The following GSE1 variants were observed in gnomAD, a reference collection of about 807,000 sequenced individuals.
GSE1 encodes the protein genetic suppressor element 1.
A neutral mutation model predicts 112.6 loss-of-function variants in GSE1; 32 were observed. The observed-to-expected ratio is 0.28, with a 90% confidence interval of 0.21 to 0.38. The LOEUF (loss-of-function observed/expected upper bound fraction) is 0.38. GSE1 is among the 10% of genes least tolerant of loss of function. The pLI is 1.00. For missense variants in GSE1, 2,348 were observed against 1,699.2 expected, an observed-to-expected ratio of 1.38 and a Z score of -6.71; for synonymous variants, 1,115 against 735.6, an observed-to-expected ratio of 1.52 and a Z score of -8.35.
rs376118100 is a variant in GSE1, at chr16:85,487,214, C to A, written c.2464+129571C>A. Among the ~76,000 whole-genome samples the A allele has an allele frequency of 3.9e-4, 60 of 152,188 alleles. 3 individuals carry two copies. Among genetic ancestry groups the A allele is most frequent in the Non-Finnish European group, 4.4e-5 (3 of 68,020 alleles). ...ACAAATAGCCTCTCACTGGGTGTCACCTCCTCACCCCCCCAGGAAAAATTC... is the reference window on the plus strand; with the variant it reads ...ACAAATAGCCTCTCACTGGGTGTCAACTCCTCACCCCCCCAGGAAAAATTC... On this transcript the variant is annotated intron_variant, in intron 2 of 2. Transcript: ENST00000637419.
intron 2 of GSE1, among the ~76,000 whole-genome samples, chr16:85,492,266 G>A (rs1359830545): frequency 2.0e-5 from 3 of 152,150 alleles, no homozygotes; most frequent in Admixed American, 6.5e-5. Context: ...AGCCGCCCCC[G>A]TCGGCCTGTG....
intron 1 of GSE1, among the ~76,000 whole-genome samples, chr16:85,268,116 C>G (rs1908440564): frequency 6.6e-6 from 1 of 152,104 alleles, no homozygotes; most frequent in South Asian, 2.1e-4. Flanking sequence ...TGCTGTGATG[C>G]CTCTGTATTT....
At chr16:85,577,188 C>G (rs1411863459) in intron 1 of GSE1, among the ~76,000 whole-genome samples, 33 of 152,178 alleles carry the variant, frequency 2.2e-4, no homozygotes, top group Admixed American at 2.2e-3. Flanking sequence ...GGGGCAGAGG[C>G]AGGTCTTCTC....
At chr16:85,608,179 G>C (rs1262287276), upstream of GSE1, among the ~76,000 whole-genome samples, 1 of 152,198 alleles carries the variant, frequency 6.6e-6, no homozygotes, top group African/African-American at 2.4e-5. Flanking sequence ...GAAACAGAAA[G>C]AGGAGGGTGG....
At chr16:85,206,192 G>T (rs749349624) in intron 1 of GSE1, among the ~76,000 whole-genome samples, 42 of 139,244 alleles carry the variant, frequency 3.0e-4, no homozygotes, top group South Asian at 8.5e-4. Context: ...GCACCCAGAT[G>T]GGGGGGGCGC....
intron 1 of GSE1, among the ~76,000 whole-genome samples, chr16:85,577,576 A>C (rs1337513512): frequency 6.6e-6 from 1 of 152,100 alleles, no homozygotes. Flanking sequence ...CAGCGCTGCG[A>C]TTATCCCCCT....
chr16:85,633,425 G>A (rs2049714642), intron 1 of GSE1, among the ~76,000 whole-genome samples: 1 of 152,248 alleles, frequency 6.6e-6, no homozygotes, highest in African/African-American at 2.4e-5. Flanking sequence ...TGCCATGCGT[G>A]CCTGGCATCG....
chr16:85,527,622 C>T (rs570388794), intron 2 of GSE1, among the ~76,000 whole-genome samples: 12 of 152,372 alleles, frequency 7.9e-5, no homozygotes, highest in South Asian at 2.1e-4. Flanking sequence ...AATGGAGTTC[C>T]GGGACCAGCA....
intron 13 of GSE1, among the ~76,000 whole-genome samples, chr16:85,666,830 G>C (rs985653942): frequency 6.6e-6 from 1 of 152,228 alleles, no homozygotes; most frequent in Non-Finnish European, 1.5e-5. Context: ...TGGATCCGTG[G>C]GTTCCGCGTC....
At chr16:85,539,018 C>T (rs9933459) in intron 2 of GSE1, among the ~76,000 whole-genome samples, 55,215 of 152,098 alleles carry the variant, frequency 0.36, 10,307 homozygotes, top group Middle Eastern at 0.51. Flanking sequence ...CTCTTCAAGG[C>T]CGGTGCCCCT....
chr16:85,488,530 C>G (rs189468913), intron 2 of GSE1, among the ~76,000 whole-genome samples: 1 of 152,006 alleles, frequency 6.6e-6, no homozygotes, highest in African/African-American at 2.4e-5. Flanking sequence ...CTGCCAGGTA[C>G]TGAACTGACT....
chr16:85,506,428 G>T (rs997640807), intron 2 of GSE1, among the ~76,000 whole-genome samples: 11 of 152,156 alleles, frequency 7.2e-5, no homozygotes, highest in Non-Finnish European at 1.5e-4. Context: ...TAGCCCTGAG[G>T]GATCTGGTGG....
chr16:85,177,593 C>T (rs184772581), intron 1 of GSE1, among the ~76,000 whole-genome samples: 5 of 152,272 alleles, frequency 3.3e-5, no homozygotes, highest in South Asian at 2.1e-4. Context: ...GCGTTGTGTA[C>T]GTGGTGTCTC....
At chr16:85,319,470 A>G (rs2046053761) in intron 1 of GSE1, among the ~76,000 whole-genome samples, 1 of 151,956 alleles carries the variant, frequency 6.6e-6, no homozygotes, top group Non-Finnish European at 1.5e-5. Flanking sequence ...CTTCCGTTCC[A>G]GCGGGAGTGG....
intron 2 of GSE1, among the ~76,000 whole-genome samples, chr16:85,539,060 C>T (rs1472452917): frequency 6.6e-6 from 1 of 152,244 alleles, no homozygotes; most frequent in Non-Finnish European, 1.5e-5. Context: ...GCATGGCTCA[C>T]CTTCCCCTGC....
chr16:85,188,421 T>G (rs73260338), intron 1 of GSE1, among the ~76,000 whole-genome samples: 2,406 of 152,304 alleles, frequency 0.016, 64 homozygotes, highest in African/African-American at 0.056. Context: ...GTTCTCACTG[T>G]TCTGGAGAGC....
At chr16:85,417,461 G>A (rs1460154556) in intron 2 of GSE1, among the ~76,000 whole-genome samples, 6 of 152,242 alleles carry the variant, frequency 3.9e-5, no homozygotes, top group Non-Finnish European at 2.9e-5. Flanking sequence ...CAGAGCACAC[G>A]GTTTCGGACT....
At chr16:85,298,379 A>T (rs547710593) in intron 1 of GSE1, among the ~76,000 whole-genome samples, 1 of 152,290 alleles carries the variant, frequency 6.6e-6, no homozygotes, top group South Asian at 2.1e-4. Flanking sequence ...GAGCAGGGCT[A>T]TCACCACTGT....
At chr16:85,449,766 C>T (rs898786474) in intron 2 of GSE1, among the ~76,000 whole-genome samples, 2 of 152,194 alleles carry the variant, frequency 1.3e-5, no homozygotes, top group African/African-American at 4.8e-5. Flanking sequence ...TTGGAGAGAT[C>T]GCTTGACTTC....
Sources: allele counts gnomAD v4.1 joint callset (sites outside exome capture counted in the v4.1 genomes callset), GRCh38; gene constraint gnomAD v4.1.1; transcripts MANE v1.5; gene names NCBI Gene and HGNC (gene_info 2026-07-23, HGNC 2026-07-21).